Variants in FOXJ3 observed in about 807,000 individuals in gnomAD.
FOXJ3 encodes the protein forkhead box protein J3.
Under a neutral mutation model 76.1 loss-of-function variants are expected in FOXJ3, and 22 were observed. The observed-to-expected ratio is 0.29, with a 90% CI of 0.21 to 0.41. The LOEUF (loss-of-function observed/expected upper bound fraction) is 0.41, where lower values mean the gene tolerates loss of function less well. Among genes scored for constraint, FOXJ3 ranks in the 10% least tolerant of loss-of-function variants. The pLI is 1.00. For missense variants in FOXJ3, 613 were observed against 762.1 expected (o/e 0.80, Z 2.30); for synonymous variants, 269 against 261.2 (o/e 1.03, Z -0.29).
At chr1:42,244,308 A>G (rs1262203343) in intron 4 of FOXJ3, among the ~76,000 whole-genome samples, 1 of 152,176 alleles carries the variant, frequency 6.6e-6, no homozygotes, top group Non-Finnish European at 1.5e-5. Context: ...TAATAGAAGA[A>G]AAGAAATAAT....
At position 42,244,756 on chromosome 1, in the gene FOXJ3, C is replaced by T. The variant is rs141818942; in HGVS notation, c.445-16790G>A. On this transcript the variant is annotated intron_variant, in intron 4 of 12. Transcript: ENST00000361346. ...CAGATCATCAGACTATTATGAACAA[C>T]TAGATGCTACCAAACTGTAAAACTG... is the stretch of plus-strand genomic sequence containing the variant. Among the ~76,000 whole-genome samples, 4 of 151,890 alleles carry T rather than the reference C, an allele frequency of 2.6e-5. No homozygotes were observed. The East Asian group carries it at 7.7e-4, about 29-fold the overall frequency.
Position 42,267,687 on chromosome 1 carries a change from C to T in FOXJ3, c.370-2498G>A, listed in dbSNP as rs1335837554. Among the ~76,000 whole-genome samples the T allele has an allele frequency of 2.6e-5, 4 of 151,928 alleles. No individual in the cohort carries two copies. In the East Asian group the frequency reaches 7.7e-4, roughly 29 times the overall value. On this transcript the variant is annotated intron_variant, in intron 3 of 12. Transcript: ENST00000361346. ...GAAAAAAAAAATTAAAATAACCATG[C>T]TTAATATGTTAAAGGGTCTAGCAGA...
chr1:42,181,488 C>T (rs1318703583), intron 12 of FOXJ3, among the ~76,000 whole-genome samples: 2 of 152,314 alleles, frequency 1.3e-5, no homozygotes, highest in East Asian at 1.9e-4. Flanking sequence ...CTGCTAAAGT[C>T]CTGTCAAACA....
chr1:42,199,631 AAAAG>A, intron 6 of FOXJ3, among the ~76,000 whole-genome samples: 1 of 152,230 alleles, frequency 6.6e-6, no homozygotes, highest in Admixed American at 6.5e-5. Flanking sequence ...CATAAAAAAA[AAAAG>A]ATTTTTTTTT....
intron 3 of FOXJ3, among the ~76,000 whole-genome samples, chr1:42,273,126 T>C (rs1007117976): frequency 1.3e-5 from 2 of 152,200 alleles, no homozygotes; most frequent in Admixed American, 6.5e-5. Context: ...ACATACACAA[T>C]GGATATTTTT....
At chr1:42,226,349 C>T (rs1192338298) in intron 5 of FOXJ3, among the ~76,000 whole-genome samples, 2 of 152,192 alleles carry the variant, frequency 1.3e-5, no homozygotes, top group African/African-American at 2.4e-5. Context: ...CGGCGGGTCA[C>T]GCCTGTAGTA....
intron 11 of FOXJ3, among the ~76,000 whole-genome samples, chr1:42,183,937 A>G (rs573963644): frequency 1.3e-5 from 2 of 152,264 alleles, no homozygotes; most frequent in South Asian, 2.1e-4. Context: ...GCCTCCCATG[A>G]TAACATGCCT....
Position 42,189,352 on chromosome 1 carries a change from T to C in FOXJ3, c.1404A>G (p.Arg468=). 2 of 1,613,786 alleles carry C rather than the reference T, an allele frequency of 1.2e-6. No homozygotes were observed. The highest frequency in any genetic ancestry group is 1.7e-6 in the Non-Finnish European group (2 of 1,179,702). The change falls in exon 10 of 13, where the codon CGA becomes CGG. Residue 468 remains arginine, a synonymous_variant. Transcript: ENST00000361346. ...CTGACCAATTAACACTGCTGGCAAT[T>C]CGACAGCTTTCTTTTAGCATATCAA... The part of the protein sequence containing the change: ...ATLDMLKESC[R]IASSVNWSDV...
chr1:42,187,436 C>T (rs77260704), intron 11 of FOXJ3, among the ~76,000 whole-genome samples: 1 of 152,034 alleles, frequency 6.6e-6, no homozygotes, highest in Non-Finnish European at 1.5e-5. Flanking sequence ...AGGTGGTACA[C>T]CTGGTCTAAG....
chr1:42,295,519 C>CTGTTTT (rs1653728144), intron 2 of FOXJ3, among the ~76,000 whole-genome samples: 1 of 79,042 alleles, frequency 1.3e-5, no homozygotes, highest in Non-Finnish European at 2.3e-5. Context: ...CTACAAGTGT[C>CTGTTTT]TTTTTTTTTT....
intron 2 of FOXJ3, among the ~76,000 whole-genome samples, chr1:42,310,095 A>C (rs1557716111): frequency 6.6e-6 from 1 of 152,188 alleles, no homozygotes; most frequent in Non-Finnish European, 1.5e-5. Flanking sequence ...AATCTGCTAC[A>C]AAGGCAACCA....
chr1:42,331,150 G>A (rs1421969808), intron 1 of FOXJ3, among the ~76,000 whole-genome samples: 1 of 152,172 alleles, frequency 6.6e-6, no homozygotes, highest in Non-Finnish European at 1.5e-5. Context: ...GGAGGCCGAG[G>A]CAGGCAGACC....
intron 2 of FOXJ3, among the ~76,000 whole-genome samples, chr1:42,288,362 A>G (rs1470459301): frequency 6.6e-6 from 1 of 152,196 alleles, no homozygotes; most frequent in African/African-American, 2.4e-5. Flanking sequence ...ATTTTGTTTC[A>G]TTAAAGTGGT....
intron 1 of FOXJ3, among the ~76,000 whole-genome samples, chr1:42,329,608 T>C (rs1057399825): frequency 2.6e-5 from 4 of 152,184 alleles, no homozygotes; most frequent in African/African-American, 9.7e-5. Flanking sequence ...CCAAGGTTTC[T>C]GAATAGTGGC....
chr1:42,245,777 C>T (rs1649503630), intron 4 of FOXJ3, among the ~76,000 whole-genome samples: 1 of 152,114 alleles, frequency 6.6e-6, no homozygotes, highest in Non-Finnish European at 1.5e-5. Flanking sequence ...TCCACTTTCA[C>T]TACTACTATT....
intron 5 of FOXJ3, among the ~76,000 whole-genome samples, chr1:42,207,166 ATCAACCTGTCT>A (rs984854253): frequency 2.8e-4 from 42 of 152,196 alleles, no homozygotes; most frequent in African/African-American, 9.9e-4. Context: ...ACATCCATTA[ATCAACCTGTCT>A]TCATATCCCT....
chr1:42,285,412 TA>T (rs1243806369), intron 2 of FOXJ3, among the ~76,000 whole-genome samples: 62 of 144,880 alleles, frequency 4.3e-4, no homozygotes, highest in Admixed American at 4.8e-4. Context: ...GTCTTCACAT[TA>T]AAAAAAAAAA....
At chr1:42,192,195 C>T (rs1646562176) in intron 8 of FOXJ3, among the ~76,000 whole-genome samples, 1 of 152,084 alleles carries the variant, frequency 6.6e-6, no homozygotes, top group South Asian at 2.1e-4. Flanking sequence ...TCTCGACTGG[C>T]TAATAGTTTA....
chr1:42,216,812 A>G (rs1647078950), intron 5 of FOXJ3, among the ~76,000 whole-genome samples: 1 of 152,258 alleles, frequency 6.6e-6, no homozygotes, highest in Non-Finnish European at 1.5e-5. Flanking sequence ...ATAAATAAAA[A>G]TGAGATACTA....
Sources: gnomAD v4.1 joint callset for allele counts (sites outside exome capture counted in the v4.1 genomes callset) on GRCh38, gnomAD v4.1.1 for gene constraint, MANE v1.5 for transcripts, NCBI Gene and HGNC (gene_info 2026-07-23, HGNC 2026-07-21) for gene names.